SYNDIG1: variants seen among roughly 807,000 people sequenced by gnomAD.
SYNDIG1 encodes the protein synapse differentiation-inducing gene protein 1.
SYNDIG1 carries 9 observed loss-of-function variants against 19.4 expected under a neutral mutation model. That is an observed-to-expected ratio of 0.46 (90% CI 0.28 to 0.81). The LOEUF is 0.81. Among genes scored for constraint, SYNDIG1 ranks in the 30% least tolerant of loss-of-function variants. The pLI, the probability that SYNDIG1 is intolerant of heterozygous loss-of-function variation, is 0.12. For synonymous variants in SYNDIG1, 141 were observed against 145.9 expected (o/e 0.97, Z 0.24); for missense variants, 311 against 343.3 (o/e 0.91, Z 0.74).
chr20:24,518,092 G>C (rs1219216885), intron 1 of SYNDIG1, among the ~76,000 whole-genome samples: 2 of 151,724 alleles, frequency 1.3e-5, no homozygotes, highest in Non-Finnish European at 2.9e-5. Context: ...GGACTTTGAG[G>C]CTCACTTTCA....
intron 3 of SYNDIG1, among the ~76,000 whole-genome samples, chr20:24,597,527 T>C (rs766600912): frequency 4.6e-5 from 7 of 152,160 alleles, no homozygotes; most frequent in Non-Finnish European, 8.8e-5. Flanking sequence ...GCTGGAATTC[T>C]GGTCACTGTG....
rs147742508 is a variant in SYNDIG1 at position 24,643,906 on chromosome 20, A to T, written c.619-21440A>T. Among the ~76,000 whole-genome samples, 210 of 152,304 alleles carry T rather than the reference A, an allele frequency of 1.4e-3. 1 individual carries two copies. The East Asian group carries it at 0.023, about 17-fold the overall frequency. On this transcript the variant is annotated intron_variant, in intron 3 of 3. Coordinates refer to ENST00000376862, the MANE Select transcript of SYNDIG1 (RefSeq NM_024893.3). Reference sequence around the variant, plus strand: ...GCTGAGTTCTCCTTCTTGCCCCATAACTTGGCCCCAGATTTCTCAATAGAA... The same window carrying T: ...GCTGAGTTCTCCTTCTTGCCCCATATCTTGGCCCCAGATTTCTCAATAGAA...
At chr20:24,663,692 G>A (rs1360185965) in intron 3 of SYNDIG1, among the ~76,000 whole-genome samples, 1 of 152,172 alleles carries the variant, frequency 6.6e-6, no homozygotes, top group Non-Finnish European at 1.5e-5. Flanking sequence ...GCCCGGCATG[G>A]GTGTTCCCAC....
intron 2 of SYNDIG1, among the ~76,000 whole-genome samples, chr20:24,557,610 C>T (rs998138248): frequency 6.6e-6 from 1 of 152,188 alleles, no homozygotes; most frequent in African/African-American, 2.4e-5. Flanking sequence ...GCGGTGGCTG[C>T]AGAACAGTGG....
chr20:24,518,824 G>T (rs961768091), intron 1 of SYNDIG1, among the ~76,000 whole-genome samples: 2 of 152,178 alleles, frequency 1.3e-5, no homozygotes, highest in Non-Finnish European at 2.9e-5. Context: ...TTTACCAAGA[G>T]AAACCAGTTT....
chr20:24,604,641 G>A (rs6036847), intron 3 of SYNDIG1, among the ~76,000 whole-genome samples: 125,887 of 152,208 alleles, frequency 0.83, 52,688 homozygotes, highest in African/African-American at 0.94. Flanking sequence ...TGAAAAATCC[G>A]CCCTTTGTTT....
intron 2 of SYNDIG1, among the ~76,000 whole-genome samples, chr20:24,577,781 C>T (rs940225018): frequency 6.6e-6 from 1 of 152,192 alleles, no homozygotes; most frequent in African/African-American, 2.4e-5. Context: ...TCTCACCCAA[C>T]GTTGAAACCC....
intron 1 of SYNDIG1, among the ~76,000 whole-genome samples, chr20:24,486,661 T>TAA (rs2055968998): frequency 7.3e-6 from 1 of 137,504 alleles, no homozygotes; most frequent in Admixed American, 7.6e-5. Flanking sequence ...TTTATTTAAT[T>TAA]TTTTTTTTGT....
At position 24,665,388 on chromosome 20, in the gene SYNDIG1, A is replaced by T; in HGVS notation, c.661A>T (p.Thr221Ser). 1 of 1,610,990 alleles carries T rather than the reference A, an allele frequency of 6.2e-7. No individual in the cohort carries two copies. Among genetic ancestry groups the T allele is most frequent in the South Asian group, 1.1e-5 (1 of 90,476 alleles). The change falls in exon 4 of 4, where the codon ACC becomes TCC. Residue 221 changes from threonine to serine, a missense_variant. Physicochemically the swap from Thr to Ser is moderately conservative, Grantham distance 58. Coordinates refer to ENST00000376862, the MANE Select transcript of SYNDIG1 (RefSeq NM_024893.3). Reference sequence around the variant, plus strand: ...CAAGGGGGACTTGCACCAGGCCAGCACCAGCTCCCGGCGGGCCCTATTCCT... The same window carrying T: ...CAAGGGGGACTTGCACCAGGCCAGCTCCAGCTCCCGGCGGGCCCTATTCCT... Reference protein sequence around the residue: ...VAKGDLHQASTSSRRALFLAV... With the variant: ...VAKGDLHQASSSSRRALFLAV...
intron 1 of SYNDIG1, among the ~76,000 whole-genome samples, chr20:24,471,113 G>A (rs1208427466): frequency 6.6e-6 from 1 of 152,134 alleles, no homozygotes; most frequent in Non-Finnish European, 1.5e-5. Context: ...AGGAGGTGGT[G>A]TGTGTGCTGC....
intron 2 of SYNDIG1, among the ~76,000 whole-genome samples, chr20:24,545,451 A>G (rs373363045): frequency 7.2e-5 from 11 of 151,986 alleles, no homozygotes; most frequent in Admixed American, 1.3e-4. Flanking sequence ...CCCGACTCGC[A>G]TGGAGTGGAA....
Position 24,646,720 on chromosome 20 carries a change from C to G in SYNDIG1, c.619-18626C>G, listed in dbSNP as rs569840613. On this transcript the variant is annotated intron_variant, in intron 3 of 3. Coordinates refer to ENST00000376862, the MANE Select transcript of SYNDIG1 (RefSeq NM_024893.3). ...CTCTACAATGTCCGCCTCCTGAGTT[C>G]AAGTGATTCTCCTGCCTCAGCCTCC... Among the ~76,000 whole-genome samples the G allele has an allele frequency of 9.2e-5, 14 of 151,930 alleles. No individual in the cohort carries two copies. The East Asian group carries it at 2.7e-3, about 29-fold the overall frequency.
At chr20:24,590,496 G>C (rs915893419) in intron 3 of SYNDIG1, among the ~76,000 whole-genome samples, 4 of 152,164 alleles carry the variant, frequency 2.6e-5, no homozygotes, top group African/African-American at 9.7e-5. Flanking sequence ...GGGAGGCGCA[G>C]GGCGACGACG....
chr20:24,520,243 T>C (rs141652784), intron 1 of SYNDIG1, among the ~76,000 whole-genome samples: 95 of 150,814 alleles, frequency 6.3e-4, no homozygotes, highest in Admixed American at 4.2e-3. Flanking sequence ...TAATTTTATA[T>C]GTTTTTATAT....
At chr20:24,531,812 G>T (rs1459912076) in intron 1 of SYNDIG1, among the ~76,000 whole-genome samples, 1 of 152,212 alleles carries the variant, frequency 6.6e-6, no homozygotes, top group Non-Finnish European at 1.5e-5. Flanking sequence ...CCCATTTCTG[G>T]TGGGGAAGAT....
rs371248227 is a variant in SYNDIG1, at chr20:24,505,363, C to T, written c.-79+35610C>T. 1.3e-4 allele frequency among the ~76,000 whole-genome samples: 20 copies of T among 152,166 alleles called. No homozygotes were observed. The East Asian group carries it at 2.9e-3, about 22-fold the overall frequency. On this transcript the variant is annotated intron_variant, in intron 1 of 3. Transcript: ENST00000376862. ...TGAGGTCAGGCCTGGTGGGCAGAGG[C>T]GGTCATCCTCTGGACTCACTGGCGT...
Position 24,566,833 on chromosome 20 carries a change from C to T in SYNDIG1, c.481-18023C>T, listed in dbSNP as rs911842994. On this transcript the variant is annotated intron_variant, in intron 2 of 3. Coordinates refer to ENST00000376862, the MANE Select transcript of SYNDIG1 (RefSeq NM_024893.3). ...GTGCAGCTCCCAGGGCAGGTTGGGG[C>T]GGGACTGAGAGTCTGCATTCCTACG... Among the ~76,000 whole-genome samples the T allele has an allele frequency of 5.3e-5, 8 of 152,248 alleles. No homozygotes were observed. In the East Asian group the frequency reaches 5.8e-4, roughly 11 times the overall value.
chr20:24,567,638 G>T (rs6049791), intron 2 of SYNDIG1, among the ~76,000 whole-genome samples: 6 of 152,044 alleles, frequency 3.9e-5, no homozygotes, highest in African/African-American at 1.4e-4. Context: ...TCCAAGCACC[G>T]CTCCTCTAAC....
At chr20:24,553,802 G>C (rs1973277310) in intron 2 of SYNDIG1, among the ~76,000 whole-genome samples, 3 of 152,036 alleles carry the variant, frequency 2.0e-5, no homozygotes, top group African/African-American at 4.8e-5. Flanking sequence ...GCTCTTTTTT[G>C]GTTCATATGA....
Sources: gnomAD v4.1 joint callset for allele counts (sites outside exome capture counted in the v4.1 genomes callset) on GRCh38, gnomAD v4.1.1 for gene constraint, MANE v1.5 for transcripts, NCBI Gene and HGNC (gene_info 2026-07-23, HGNC 2026-07-21) for gene names.